ZNF611: variants seen among roughly 807,000 people sequenced by gnomAD.
ZNF611 encodes zinc finger protein 611.
ZNF611 carries 6 observed loss-of-function variants against 8.9 expected under a neutral mutation model. The observed-to-expected ratio is 0.68, with a 90% CI of 0.37 to 1.34. ZNF611 has a LOEUF of 1.34. Ranked by LOEUF, ZNF611 falls within the 40% of genes most tolerant of loss-of-function variation. The pLI, the probability that ZNF611 is intolerant of heterozygous loss-of-function variation, is 0.02. For synonymous variants in ZNF611, 262 were observed against 279.7 expected, an observed-to-expected ratio of 0.94 and a Z score of 0.63; for missense variants, 874 against 841.3, an observed-to-expected ratio of 1.04 and a Z score of -0.48.
At chr19:52,710,592 T>A (rs1211244722) in intron 5 of ZNF611, among the ~76,000 whole-genome samples, 1 of 152,152 alleles carries the variant, frequency 6.6e-6, no homozygotes, top group Non-Finnish European at 1.5e-5. Flanking sequence ...CTCAAACTCC[T>A]GACCTCAAGC....
intron 3 of ZNF611, among the ~76,000 whole-genome samples, chr19:52,719,821 G>A (rs1250857690): frequency 2.0e-5 from 3 of 152,172 alleles, no homozygotes; most frequent in Non-Finnish European, 4.4e-5. Flanking sequence ...CAGAGAGGGG[G>A]ATGTGGCAGG....
intron 1 of ZNF611, among the ~76,000 whole-genome samples, chr19:52,730,469 C>T (rs1015219605): frequency 4.7e-5 from 7 of 148,128 alleles, no homozygotes; most frequent in Admixed American, 2.0e-4. Flanking sequence ...TGGCCAAAAG[C>T]GATGTTCAGA....
intron 3 of ZNF611, among the ~76,000 whole-genome samples, chr19:52,727,090 T>TCCTGACTTCAAGTGATCCG (rs1477272533): frequency 6.6e-6 from 1 of 152,030 alleles, no homozygotes; most frequent in East Asian, 1.9e-4. Flanking sequence ...GGTCTAGAAC[T>TCCTGACTTCAAGTGATCCG]CCTGACTTCA....
intron 4 of ZNF611, among the ~76,000 whole-genome samples, chr19:52,714,442 C>T (rs1340742877): frequency 6.6e-6 from 1 of 151,938 alleles, no homozygotes; most frequent in South Asian, 2.1e-4. Flanking sequence ...AATCCCAACA[C>T]TTCAGGAGGC....
intron 5 of ZNF611, among the ~76,000 whole-genome samples, chr19:52,707,913 G>A (rs895261986): frequency 3.3e-5 from 5 of 152,006 alleles, no homozygotes; most frequent in Admixed American, 6.6e-5. Context: ...TTACAGGTGT[G>A]AGCCACTGCA....
At position 52,704,344 on chromosome 19, in the gene ZNF611, T is replaced by A; in HGVS notation, c.*593A>T. ...TGGACTGAAGACCTTGCCACACTGA[T>A]GACATTTGTAAGATTTCTGTCCAGT... On this transcript the variant is annotated 3_prime_UTR_variant, in exon 6 of 6. Transcript: ENST00000652185. The A allele has an allele frequency of 1.6e-6, 1 of 611,076 alleles. No homozygotes were observed. The highest frequency in any genetic ancestry group is 3.2e-6 in the Non-Finnish European group (1 of 312,850). 37.9% of individuals were successfully genotyped at this position (611,076 alleles called of 1,614,324 possible).
chr19:52,706,376 T>C lies in ZNF611; in HGVS notation c.679A>G (p.Arg227Gly). The C allele has an allele frequency of 6.2e-7, 1 of 1,614,212 alleles. No homozygotes were observed. The highest frequency in any genetic ancestry group is 8.5e-7 in the Non-Finnish European group (1 of 1,180,038). ...TTATTACATTGGAAAGATTTTTCTC[T>C]CATGTGTACTTCCTGTTTTTGTGGG... ...LLPQKQEVHM[R>G]EKSFQCNKSG... The change falls in exon 6 of 6, where the codon AGA becomes GGA. Residue 227 changes from arginine to glycine, a missense_variant. Physicochemically the swap from Arg to Gly is moderately radical, Grantham distance 125. Coordinates refer to ENST00000652185, the MANE Select transcript of ZNF611 (RefSeq NM_001161499.2).
At chr19:52,712,200 G>C (rs1291184121) in intron 5 of ZNF611, among the ~76,000 whole-genome samples, 2 of 151,678 alleles carry the variant, frequency 1.3e-5, no homozygotes, top group Admixed American at 1.3e-4. Flanking sequence ...GTAGATTCCA[G>C]AAATGCATAC....
At chr19:52,713,872 T>C (rs965779625) in intron 5 of ZNF611, 143 bp downstream of exon 5, 14 of 1,488,152 alleles carry the variant, frequency 9.4e-6, no homozygotes, top group Admixed American at 2.2e-5. Context: ...GCCTCGGCAA[T>C]AGGAGCGAAA....
At chr19:52,712,384 G>A (rs1252143267) in intron 5 of ZNF611, among the ~76,000 whole-genome samples, 25 of 149,020 alleles carry the variant, frequency 1.7e-4, no homozygotes, top group South Asian at 6.4e-4. Context: ...TTAGGAAGAC[G>A]GGTGGGTGGA....
In ZNF611 at chr19:52,705,053, G is replaced by T. The variant is rs1463817626; in HGVS notation, c.2002C>A (p.His668Asn). The change falls in exon 6 of 6, where the codon CAT (histidine) becomes AAT (asparagine). Residue 668 changes from histidine (H) to asparagine (N), a missense_variant. Physicochemically the swap from His to Asn is moderately conservative, Grantham distance 68. Coordinates refer to ENST00000652185, the MANE Select transcript of ZNF611 (RefSeq NM_001161499.2). ...TTCTCTGCAGTGTGAATTCTGGTAT[G>T]TCTTGACAGGAGTGAATTACGCACG... is the stretch of plus-strand genomic sequence containing the variant. The part of the protein sequence containing the change: ...AFVRNSLLSR[H>N]TRIHTAEKPY... 6.2e-7 allele frequency: 1 copy of T among 1,614,136 alleles called. No homozygotes were observed. The highest frequency in any genetic ancestry group is 8.5e-7 in the Non-Finnish European group (1 of 1,180,022).
chr19:52,715,994 C>T lies in ZNF611; in HGVS notation c.-19-81G>A, dbSNP rs1012088338. 61 of 1,524,112 alleles carry T rather than the reference C, an allele frequency of 4.0e-5. No individual in the cohort carries two copies. The Admixed American group carries it at 8.3e-4, about 21-fold the overall frequency. The allele number at this position is 1,524,112 out of a possible 1,614,324, so 94.4% of individuals were successfully genotyped here. Reference sequence around the variant, plus strand: ...GACAAAAACACACGAACGGGGGAGACGTCACCCTGTAGAAAGAAGTCCCCC... The same window carrying T: ...GACAAAAACACACGAACGGGGGAGATGTCACCCTGTAGAAAGAAGTCCCCC... On this transcript the variant is annotated intron_variant, in intron 3 of 5. Coordinates refer to ENST00000652185, the MANE Select transcript of ZNF611 (RefSeq NM_001161499.2).
intron 4 of ZNF611, 40 bp downstream of exon 4, chr19:52,715,792 C>G (rs748600081): frequency 2.4e-5 from 38 of 1,603,462 alleles, no homozygotes; most frequent in South Asian, 9.9e-5. Flanking sequence ...ATTTCAGAAA[C>G]GAAAGACACA....
In ZNF611 at chr19:52,706,123, C is replaced by A. The variant is rs1377570944; in HGVS notation, c.932G>T (p.Gly311Val). The change falls in exon 6 of 6, where the codon GGA becomes GTA. Residue 311 changes from glycine to valine, a missense_variant. By Grantham distance (109) the Gly-to-Val change is moderately radical. Coordinates refer to ENST00000652185, the MANE Select transcript of ZNF611 (RefSeq NM_001161499.2). Reference protein sequence around the residue: ...SLTCHRRLHTGVKRYNCNECG... With the variant: ...SLTCHRRLHTVVKRYNCNECG... ...CTCATTACAATTGTAACGTTTTACTCCAGTATGAAGTCTACGATGGCAGGT... is the reference window on the plus strand; with the variant it reads ...CTCATTACAATTGTAACGTTTTACTACAGTATGAAGTCTACGATGGCAGGT... 6.2e-7 allele frequency: 1 copy of A among 1,614,034 alleles called. No homozygotes were observed. The highest frequency in any genetic ancestry group is 8.5e-7 in the Non-Finnish European group (1 of 1,179,968).
At chr19:52,730,551 G>A (rs974723831) in intron 1 of ZNF611, among the ~76,000 whole-genome samples, 4 of 151,964 alleles carry the variant, frequency 2.6e-5, no homozygotes, top group Non-Finnish European at 4.4e-5. Flanking sequence ...GACTACACAT[G>A]AATAGGTCTA....
intron 3 of ZNF611, chr19:52,717,557 A>C (rs2062326129): frequency 1.1e-5 from 4 of 368,460 alleles, no homozygotes; most frequent in Non-Finnish European, 1.5e-5. Flanking sequence ...ACAACTGTGC[A>C]CACACAGCAA....
chr19:52,711,954 T>C (rs1305977530), intron 5 of ZNF611, among the ~76,000 whole-genome samples: 1 of 151,994 alleles, frequency 6.6e-6, no homozygotes, highest in African/African-American at 2.4e-5. Flanking sequence ...TGTGGGAATA[T>C]AATTCCACCA....
chr19:52,730,546 C>T (rs779662249), intron 1 of ZNF611, among the ~76,000 whole-genome samples: 12 of 151,892 alleles, frequency 7.9e-5, no homozygotes, highest in Non-Finnish European at 1.8e-4. Flanking sequence ...GTGTTGACTA[C>T]ACATGAATAG....
chr19:52,705,367 T>C lies in ZNF611; in HGVS notation c.1688A>G (p.Glu563Gly). 1 of 1,614,184 alleles carries C rather than the reference T, an allele frequency of 6.2e-7. No homozygotes were observed. Among genetic ancestry groups the C allele is most frequent in the Non-Finnish European group, 8.5e-7 (1 of 1,180,046 alleles). ...GCACTCATTACACTTGTAAGGTTTC[T>C]CTCCACTATGAATTCTAGTATGTTT... ...LAKHTRIHSG[E>G]KPYKCNECSK... is the part of the protein sequence containing the mutation. Residue 563 changes from glutamate (E) to glycine (G), a missense_variant, in exon 6 of 6, where the codon GAG (glutamate) becomes GGG (glycine). Glu to Gly is a moderately conservative substitution (Grantham distance 98). Transcript: ENST00000652185.
Sources: allele counts gnomAD v4.1 joint callset (sites outside exome capture counted in the v4.1 genomes callset), GRCh38; gene constraint gnomAD v4.1.1; transcripts MANE v1.5; gene names NCBI Gene and HGNC (gene_info 2026-07-23, HGNC 2026-07-21).